ITIH3: variants seen among roughly 807,000 people sequenced by gnomAD.
ITIH3 encodes inter-alpha-trypsin inhibitor heavy chain H3.
A neutral mutation model predicts 96.5 loss-of-function variants in ITIH3; 81 were observed. That is an observed-to-expected ratio of 0.84 (90% confidence interval 0.70 to 1.01). ITIH3 has a LOEUF of 1.01. ITIH3 is among the 50% of genes least tolerant of loss of function. The probability of loss-of-function intolerance (pLI) is 0.00; values close to 1 mark genes in which losing one functional copy is unlikely to be tolerated. For missense variants in ITIH3, 1,057 were observed against 1,139.3 expected, an observed-to-expected ratio of 0.93 and a Z score of 1.04; for synonymous variants, 422 against 445.2, an observed-to-expected ratio of 0.95 and a Z score of 0.66.
intron 12 of ITIH3, 48 bp from the exon 13 acceptor site, chr3:52,802,619 G>A (rs372612872): frequency 8.7e-6 from 14 of 1,612,948 alleles, no homozygotes; most frequent in Non-Finnish European, 1.2e-5. Context: ...CCCTGAACCT[G>A]ATCCACCCAA....
At chr3:52,807,452 G>T (rs1351232616) in intron 19 of ITIH3, among the ~76,000 whole-genome samples, 1 of 152,220 alleles carries the variant, frequency 6.6e-6, no homozygotes, top group Non-Finnish European at 1.5e-5. Context: ...GAGAAGGTGT[G>T]GAGCCTGCCC....
At chr3:52,800,222 G>A (rs747168347) in intron 9 of ITIH3, among the ~76,000 whole-genome samples, 3 of 152,142 alleles carry the variant, frequency 2.0e-5, no homozygotes, top group East Asian at 1.9e-4. Flanking sequence ...AAAATGGCAC[G>A]ATGTCTACAC....
Position 52,802,152 on chromosome 3 carries a change from A to G in ITIH3, c.1384-182A>G, listed in dbSNP as rs184234843. ...GTCCTTTCTAGTCTTCCTCGTGTCT[A>G]TCTGGGAGCAGGGAGTTGCCGGGGG... On this transcript the variant is annotated intron_variant, in intron 11 of 21. Coordinates refer to ENST00000449956, the MANE Select transcript of ITIH3 (RefSeq NM_002217.4). The G allele has an allele frequency of 2.5e-4, 141 of 564,148 alleles. 3 individuals carry two copies. Among genetic ancestry groups the G allele is most frequent in the South Asian group, 1.4e-3 (53 of 39,214 alleles). The allele number at this position is 564,148 out of a possible 1,614,324, so 34.9% of individuals were successfully genotyped here.
chr3:52,800,438 CAT>C (rs1278129223), intron 9 of ITIH3, 98 bp from the exon 10 acceptor site: 59 of 1,447,180 alleles, frequency 4.1e-5, no homozygotes, highest in African/African-American at 1.6e-4. Flanking sequence ...TCCTTGGGCA[CAT>C]GAGTGGGGCC....
At chr3:52,799,220 T>TG (rs1699713613) in intron 7 of ITIH3, 129 bp downstream of exon 7, 1 of 1,289,848 alleles carries the variant, frequency 7.8e-7, no homozygotes, top group African/African-American at 1.5e-5. Flanking sequence ...GTGGGACAGC[T>TG]GATGGCCTAG....
Position 52,800,648 on chromosome 3 carries a change from G to A in ITIH3, c.1186G>A (p.Gly396Arg), listed in dbSNP as rs1204330364. Residue 396 changes from glycine to arginine, a missense_variant, in exon 10 of 22, where the codon GGG (glycine) becomes AGG (arginine). Physicochemically the swap from Gly to Arg is moderately radical, Grantham distance 125. Coordinates refer to ENST00000449956, the MANE Select transcript of ITIH3 (RefSeq NM_002217.4). ...STSIVIMLTDGDANVGESRPE... is the reference protein window; with the variant it reads ...STSIVIMLTDRDANVGESRPE... ...CTCCATTGTCATCATGCTGACTGATGGGGATGCCAATGTTGGTGAGGAGCA... is the reference window on the plus strand; with the variant it reads ...CTCCATTGTCATCATGCTGACTGATAGGGATGCCAATGTTGGTGAGGAGCA... The A allele has an allele frequency of 1.9e-6, 3 of 1,597,414 alleles. No individual in the cohort carries two copies. The highest frequency in any genetic ancestry group is 1.7e-5 in the Admixed American group (1 of 57,400).
In ITIH3 at chr3:52,806,512, T is replaced by C. The variant is rs17052474; in HGVS notation, c.2056+106T>C. Reference sequence around the variant, plus strand: ...GGTTCTCACTCTGCCCAGTAAGGCATCATCTTCACATGCAAAGAAACCCCT... The same window carrying C: ...GGTTCTCACTCTGCCCAGTAAGGCACCATCTTCACATGCAAAGAAACCCCT... On this transcript the variant is annotated intron_variant, in intron 18 of 21. Coordinates refer to ENST00000449956, the MANE Select transcript of ITIH3 (RefSeq NM_002217.4). 6.6e-3 allele frequency: 5,465 copies of C among 827,332 alleles called. 191 individuals are homozygous for C. The African/African-American group carries it at 0.075, about 11-fold the overall frequency. 51.2% of individuals were successfully genotyped at this position (827,332 alleles called of 1,614,324 possible).
chr3:52,798,152 A>T (rs904203714), intron 6 of ITIH3, among the ~76,000 whole-genome samples: 2 of 152,218 alleles, frequency 1.3e-5, no homozygotes, highest in Non-Finnish European at 2.9e-5. Context: ...GGAGCCATTT[A>T]CAAAGCCTGG....
rs1230452761 is a variant in ITIH3 at position 52,802,775 on chromosome 3, T to C, written c.1678T>C (p.Tyr560His). 3.1e-6 allele frequency: 5 copies of C among 1,613,878 alleles called. No individual in the cohort carries two copies. The African/African-American group carries it at 5.3e-5, about 17-fold the overall frequency. The change falls in exon 13 of 22, where the codon TAC becomes CAC. Residue 560 changes from tyrosine to histidine, a missense_variant. Tyr to His is a moderately conservative substitution (Grantham distance 83). Coordinates refer to ENST00000449956, the MANE Select transcript of ITIH3 (RefSeq NM_002217.4). ...GAATTACATTGAGCGGCTCTGGGCC[T>C]ACCTCACCATTGAGCAGCTGCTGGA... ...FGNYIERLWA[Y>H]LTIEQLLEKR...
At chr3:52,800,840 C>A in intron 10 of ITIH3, 125 bp from the exon 11 acceptor site, 1 of 1,476,412 alleles carries the variant, frequency 6.8e-7, no homozygotes, top group South Asian at 1.3e-5. Flanking sequence ...CCACCTGCCC[C>A]ACAAGGGCTC....
chr3:52,799,777 CT>C lies in ITIH3; in HGVS notation c.932del (p.Leu311ArgfsTer10), dbSNP rs1324569699. The C allele has an allele frequency of 6.2e-7, 1 of 1,613,218 alleles. No homozygotes were observed. The highest frequency in any genetic ancestry group is 8.5e-7 in the Non-Finnish European group (1 of 1,179,566). On this transcript the variant is annotated frameshift_variant, in exon 9 of 22. Coordinates refer to ENST00000449956, the MANE Select transcript of ITIH3 (RefSeq NM_002217.4). LOFTEE classifies it high-confidence loss of function. ...GACAAAGGAGGCCCTTCTCAGAATC[CT>C]GGAAGATATGCAAGAGGAAGACTAT... is the stretch of plus-strand genomic sequence containing the variant. ...EQTKEALLRI[L>X]EDMQEEDYLN...
rs538460756 is a variant in ITIH3 at position 52,804,576 on chromosome 3, T to G, written c.1865-150T>G. The G allele has an allele frequency of 1.1e-3, 794 of 742,716 alleles. 7 individuals carry two copies. The highest frequency in any genetic ancestry group is 5.3e-3 in the South Asian group (299 of 56,718). 46.0% of individuals were successfully genotyped at this position (742,716 alleles called of 1,614,324 possible). ...GCCTCTGGCTTCCAAGAACTCCTAG[T>G]TCCAGGGGACACCCAGTGGGGGAAG... On this transcript the variant is annotated intron_variant, in intron 14 of 21. Transcript: ENST00000449956.
At chr3:52,801,948 C>T (rs532792364) in intron 11 of ITIH3, among the ~76,000 whole-genome samples, 1 of 152,312 alleles carries the variant, frequency 6.6e-6, no homozygotes, top group Admixed American at 6.5e-5. Context: ...CCATTCCCTC[C>T]CTCCTCTGTC....
In ITIH3 at chr3:52,808,122, A is replaced by G; in HGVS notation, c.2444A>G (p.Gln815Arg). 1 of 1,614,152 alleles carries G rather than the reference A, an allele frequency of 6.2e-7. No individual in the cohort carries two copies. The highest frequency in any genetic ancestry group is 8.5e-7 in the Non-Finnish European group (1 of 1,179,962). Reference sequence around the variant, plus strand: ...TTTTTCTTCCCAGGGCAATTCTTCCAACCCTTTGACTTTAAAGTGTCTGAC... The same window carrying G: ...TTTTTCTTCCCAGGGCAATTCTTCCGACCCTTTGACTTTAAAGTGTCTGAC... ...QTHGLLGQFF[Q>R]PFDFKVSDIR... Residue 815 changes from glutamine (Q) to arginine (R), a missense_variant, in exon 21 of 22, where the codon CAA becomes CGA. Transcript: ENST00000449956.
chr3:52,807,994 C>T (rs1051627161), intron 20 of ITIH3, 78 bp downstream of exon 20: 3 of 1,574,384 alleles, frequency 1.9e-6, no homozygotes, highest in Non-Finnish European at 2.6e-6. Context: ...TTCCTAGGCA[C>T]CCTGTACCCA....
intron 10 of ITIH3, 76 bp from the exon 11 acceptor site, chr3:52,800,889 C>G: frequency 6.4e-7 from 1 of 1,571,034 alleles, no homozygotes; most frequent in Non-Finnish European, 8.7e-7. Context: ...TGCAGGAGTC[C>G]GGTCTCCCCA....
intron 18 of ITIH3, 136 bp downstream of exon 18, chr3:52,806,542 G>C: frequency 1.4e-6 from 1 of 690,294 alleles, no homozygotes; most frequent in Non-Finnish European, 2.4e-6. Flanking sequence ...ACCCCTGGGG[G>C]TGGGGAGTGC....
At chr3:52,797,034 T>C (rs1333321181) in intron 4 of ITIH3, 71 bp from the exon 5 acceptor site, 1 of 1,528,824 alleles carries the variant, frequency 6.5e-7, no homozygotes, top group East Asian at 2.4e-5. Flanking sequence ...GGGCTGGGCC[T>C]GGGGCCGAGG....
At chr3:52,803,003 G>A (rs1468218568) in intron 13 of ITIH3, among the ~76,000 whole-genome samples, 197 bp downstream of exon 13, 1 of 152,232 alleles carries the variant, frequency 6.6e-6, no homozygotes, top group African/African-American at 2.4e-5. Context: ...AAGTCCCCTG[G>A]CCAGCAGCCT....
Sources: gnomAD v4.1 joint callset for allele counts (sites outside exome capture counted in the v4.1 genomes callset) on GRCh38, gnomAD v4.1.1 for gene constraint, MANE v1.5 for transcripts, NCBI Gene and HGNC (gene_info 2026-07-23, HGNC 2026-07-21) for gene names.